Variants in CEP170 observed in about 807,000 individuals in gnomAD.
The protein encoded by CEP170 is centrosomal protein of 170 kDa.
In CEP170, 21 loss-of-function variants were observed where a neutral mutation model predicts 151.9. The observed-to-expected ratio is 0.14, with a 90% CI of 0.10 to 0.20. The LOEUF (loss-of-function observed/expected upper bound fraction) is 0.20. CEP170 is among the 10% of genes least tolerant of loss of function. The pLI is 1.00. For synonymous variants in CEP170, 356 were observed against 648.8 expected (o/e 0.55, Z 6.86); for missense variants, 964 against 1,892.9 (o/e 0.51, Z 9.11).
chr1:243,225,993 A>C (rs192649058), intron 1 of CEP170, among the ~76,000 whole-genome samples: 1 of 147,222 alleles, frequency 6.8e-6, no homozygotes, highest in African/African-American at 2.5e-5. Flanking sequence ...CTATATATAT[A>C]CACGTATATA....
chr1:243,149,984 T>C (rs1465812034), intron 14 of CEP170, among the ~76,000 whole-genome samples: 12 of 152,116 alleles, frequency 7.9e-5, no homozygotes, highest in Non-Finnish European at 1.5e-4. Context: ...ACCACAGTTC[T>C]ATTTTAAAAT....
intron 1 of CEP170, among the ~76,000 whole-genome samples, chr1:243,251,501 T>A (rs557772356): frequency 6.6e-6 from 1 of 152,328 alleles, no homozygotes; most frequent in African/African-American, 2.4e-5. Flanking sequence ...GTAAAAATAA[T>A]ACCTTAATTT....
intron 12 of CEP170, among the ~76,000 whole-genome samples, chr1:243,168,039 C>T (rs145743162): frequency 1.1e-4 from 16 of 152,008 alleles, no homozygotes; most frequent in Admixed American, 2.6e-4. Flanking sequence ...TAGAACTTTG[C>T]TTTTCACAGA....
At chr1:243,129,596 A>C in intron 17 of CEP170, 143 bp from the exon 18 acceptor site, 1 of 652,592 alleles carries the variant, frequency 1.5e-6, no homozygotes, top group Admixed American at 3.7e-5. Flanking sequence ...GAATTAAAAT[A>C]CTAAGCCAAC....
chr1:243,148,882 C>G (rs1014381652), intron 14 of CEP170, among the ~76,000 whole-genome samples: 4 of 151,796 alleles, frequency 2.6e-5, no homozygotes, highest in Non-Finnish European at 4.4e-5. Flanking sequence ...TTTGGCAAAC[C>G]CCATTCTTTA....
chr1:243,254,775 G>A (rs2149229438), intron 1 of CEP170, among the ~76,000 whole-genome samples: 1 of 141,854 alleles, frequency 7.0e-6, no homozygotes, highest in East Asian at 2.2e-4. Flanking sequence ...GGGGCCGCAG[G>A]ACTGGAGCTC....
At chr1:243,229,764 C>T (rs2149049615) in intron 1 of CEP170, among the ~76,000 whole-genome samples, 1 of 152,256 alleles carries the variant, frequency 6.6e-6, no homozygotes, top group South Asian at 2.1e-4. Flanking sequence ...TACCCACGGA[C>T]CTAAGAAACT....
At chr1:243,237,658 T>C (rs2064373718) in intron 1 of CEP170, among the ~76,000 whole-genome samples, 1 of 152,148 alleles carries the variant, frequency 6.6e-6, no homozygotes, top group African/African-American at 2.4e-5. Flanking sequence ...TCCCAGCACT[T>C]TGGGAGGCCG....
chr1:243,143,149 G>T (rs67686929), intron 14 of CEP170, among the ~76,000 whole-genome samples: 46,375 of 151,664 alleles, frequency 0.31, 7,479 homozygotes, highest in South Asian at 0.48. Context: ...ACCTGAGAAG[G>T]GCCCTACAAG....
chr1:243,150,275 C>T (rs1407155265), intron 14 of CEP170, among the ~76,000 whole-genome samples: 8 of 152,082 alleles, frequency 5.3e-5, no homozygotes, highest in Non-Finnish European at 7.4e-5. Flanking sequence ...CTCAGCCACC[C>T]GAGTAGCTGG....
rs748965879 is a variant in CEP170 at position 243,150,545 on chromosome 1, G to A, written c.3911+5676C>T. On this transcript the variant is annotated intron_variant, in intron 14 of 19. Transcript: ENST00000366542. The stretch of plus-strand genomic sequence containing the variant: ...GGACAAAAAATTTTTTAATAAATAA[G>A]TTTGGACGGAAATTTGAACAAAGCA... 5.3e-5 allele frequency among the ~76,000 whole-genome samples: 8 copies of A among 152,312 alleles called. No individual in the cohort carries two copies. In the South Asian group the frequency reaches 1.4e-3, roughly 28 times the overall value.
intron 7 of CEP170, among the ~76,000 whole-genome samples, chr1:243,192,895 AAATT>A (rs1339053662): frequency 6.6e-6 from 1 of 152,080 alleles, no homozygotes; most frequent in African/African-American, 2.4e-5. Flanking sequence ...TAATAATAAT[AAATT>A]GTCAAAAAAA....
chr1:243,126,546 G>C lies in CEP170; in HGVS notation c.4658C>G (p.Ala1553Gly), dbSNP rs908934136. Reference sequence around the variant, plus strand: ...CTCAGATTCAGCATTCTCAAATTCAGCTGCGGCTGAAACAGCAGCAGGATG... The same window carrying C: ...CTCAGATTCAGCATTCTCAAATTCACCTGCGGCTGAAACAGCAGCAGGATG... ...ALHPAAVSAA[A>G]EFENAESEAD... is the part of the protein sequence containing the mutation. The change falls in exon 20 of 20, where the codon GCT (alanine) becomes GGT (glycine). Residue 1553 changes from alanine (A) to glycine (G), a missense_variant. Transcript: ENST00000366542. 1 of 1,591,648 alleles carries C rather than the reference G, an allele frequency of 6.3e-7. No homozygotes were observed. Among genetic ancestry groups the C allele is most frequent in the African/African-American group, 1.3e-5 (1 of 74,548 alleles).
intron 1 of CEP170, among the ~76,000 whole-genome samples, chr1:243,254,672 G>C (rs529994123): frequency 4.8e-4 from 73 of 152,230 alleles, no homozygotes; most frequent in African/African-American, 1.6e-3. Flanking sequence ...TACGGCGGAG[G>C]GGGGAGGGCT....
rs2053940699 is a variant in CEP170, at chr1:243,128,246, T to C, written c.4465+3A>G. ...TTTATACTTAATTCAGTAGTAAATT[T>C]ACCTTGCAGCTGCTTTTCTACTCTT... On this transcript the variant is annotated splice_donor_region_variant and intron_variant, in intron 19 of 19. Transcript: ENST00000366542. 10 of 1,586,494 alleles carry C rather than the reference T, an allele frequency of 6.3e-6. No homozygotes were observed. Among genetic ancestry groups the C allele is most frequent in the Non-Finnish European group, 8.5e-6 (10 of 1,170,450 alleles).
intron 12 of CEP170, 68 bp from the exon 13 acceptor site, chr1:243,166,184 T>C: frequency 6.5e-7 from 1 of 1,542,060 alleles, no homozygotes; most frequent in Non-Finnish European, 8.7e-7. Context: ...AGGAGCATCA[T>C]ACAGTTGTCT....
intron 1 of CEP170, among the ~76,000 whole-genome samples, chr1:243,230,350 C>A (rs2063628683): frequency 8.3e-6 from 1 of 120,388 alleles, no homozygotes; most frequent in Non-Finnish European, 2.0e-5. Flanking sequence ...TTCTCAAAAA[C>A]CAAAAAATAA....
intron 12 of CEP170, among the ~76,000 whole-genome samples, chr1:243,168,136 C>G (rs1038295352): frequency 1.3e-5 from 2 of 151,702 alleles, no homozygotes; most frequent in Admixed American, 1.3e-4. Context: ...ACAGTTTATA[C>G]GAACCAAATG....
intron 1 of CEP170, among the ~76,000 whole-genome samples, chr1:243,247,159 A>G (rs892701213): frequency 6.6e-6 from 1 of 152,072 alleles, no homozygotes; most frequent in Non-Finnish European, 1.5e-5. Context: ...ACAAACCATT[A>G]CTCAGTTGAA....
Sources: gnomAD v4.1 joint callset for allele counts (sites outside exome capture counted in the v4.1 genomes callset) on GRCh38, gnomAD v4.1.1 for gene constraint, MANE v1.5 for transcripts, NCBI Gene and HGNC (gene_info 2026-07-23, HGNC 2026-07-21) for gene names.